RSU1: variants seen among roughly 807,000 people sequenced by gnomAD.
RSU1 encodes Ras suppressor protein 1.
In RSU1, 26 loss-of-function variants were observed where a neutral mutation model predicts 31.1. That is an observed-to-expected ratio of 0.84 (90% CI 0.61 to 1.16). The LOEUF (loss-of-function observed/expected upper bound fraction) is 1.16. Among genes scored for constraint, RSU1 ranks in the 50% most tolerant of loss-of-function variants. RSU1 has a pLI of 0.00. For synonymous variants in RSU1, 164 were observed against 136.3 expected, an observed-to-expected ratio of 1.20 and a Z score of -1.41; for missense variants, 320 against 339.1, an observed-to-expected ratio of 0.94 and a Z score of 0.44.
chr10:16,761,736 G>C (rs550894387), intron 4 of RSU1, among the ~76,000 whole-genome samples: 1 of 152,078 alleles, frequency 6.6e-6, no homozygotes, highest in East Asian at 1.9e-4. Flanking sequence ...GGCGCCTGTA[G>C]TCCCAGCTAC....
At chr10:16,747,959 G>T (rs745463048) in intron 7 of RSU1, among the ~76,000 whole-genome samples, 1 of 152,198 alleles carries the variant, frequency 6.6e-6, no homozygotes, top group South Asian at 2.1e-4. Context: ...GCTTGAGCCT[G>T]GGAGACAGAA....
chr10:16,720,787 G>A (rs1836241055), intron 7 of RSU1, among the ~76,000 whole-genome samples: 2 of 152,128 alleles, frequency 1.3e-5, no homozygotes, highest in Non-Finnish European at 2.9e-5. Context: ...GGGCTGCCAT[G>A]ACAGCCTGGG....
chr10:16,733,333 T>TAAAAAAA (rs569239845), intron 7 of RSU1, among the ~76,000 whole-genome samples: 1 of 79,638 alleles, frequency 1.3e-5, no homozygotes, highest in African/African-American at 5.0e-5. Context: ...TCTACGACAA[T>TAAAAAAA]AAAAAAAAAA....
At chr10:16,594,902 A>G (rs1182492354) in intron 8 of RSU1, among the ~76,000 whole-genome samples, 1 of 150,112 alleles carries the variant, frequency 6.7e-6, no homozygotes, top group African/African-American at 2.5e-5. Flanking sequence ...CTCCTGCCTC[A>G]GCCTCCTGAG....
At chr10:16,607,568 G>A (rs1425697848) in intron 8 of RSU1, among the ~76,000 whole-genome samples, 1 of 152,130 alleles carries the variant, frequency 6.6e-6, no homozygotes, top group African/African-American at 2.4e-5. Context: ...TATCTGGCCT[G>A]AGCACTGCTA....
intron 8 of RSU1, among the ~76,000 whole-genome samples, chr10:16,654,567 G>A (rs1834741074): frequency 6.6e-6 from 1 of 151,600 alleles, no homozygotes; most frequent in Non-Finnish European, 1.5e-5. Flanking sequence ...CTACTTGGGA[G>A]GCTGAGGCAC....
chr10:16,613,943 T>C (rs891750529), intron 8 of RSU1, among the ~76,000 whole-genome samples: 2 of 152,178 alleles, frequency 1.3e-5, no homozygotes, highest in African/African-American at 2.4e-5. Context: ...GCTATATTCC[T>C]TGGGAATTGG....
Position 16,654,508 on chromosome 10 carries a change from A to G in RSU1, c.731+40515T>C, listed in dbSNP as rs567790644. The stretch of plus-strand genomic sequence containing the variant: ...AACATGGTGAAACCCTGTCTTTACT[A>G]AAAATACAAAAATTGGCTGGGCATG... On this transcript the variant is annotated intron_variant, in intron 8 of 8. Coordinates refer to ENST00000345264, the MANE Select transcript of RSU1 (RefSeq NM_012425.4). 5.9e-5 allele frequency among the ~76,000 whole-genome samples: 9 copies of G among 151,302 alleles called. No individual in the cohort carries two copies. In the East Asian group the frequency reaches 1.8e-3, roughly 30 times the overall value.
At chr10:16,651,298 AT>A (rs1277444417) in intron 8 of RSU1, among the ~76,000 whole-genome samples, 1 of 152,196 alleles carries the variant, frequency 6.6e-6, no homozygotes, top group Non-Finnish European at 1.5e-5. Flanking sequence ...GATGAAACTT[AT>A]TCATTTATTT....
chr10:16,713,562 T>C (rs1284541513), intron 7 of RSU1, among the ~76,000 whole-genome samples: 1 of 152,226 alleles, frequency 6.6e-6, no homozygotes, highest in African/African-American at 2.4e-5. Context: ...CACTTATCTT[T>C]GTTGCATTTC....
chr10:16,775,643 C>T (rs1270628375), intron 3 of RSU1, among the ~76,000 whole-genome samples: 4 of 152,124 alleles, frequency 2.6e-5, no homozygotes, highest in African/African-American at 9.7e-5. Context: ...AACAGACCCT[C>T]CCATAGCATG....
intron 8 of RSU1, among the ~76,000 whole-genome samples, chr10:16,646,204 C>T (rs1008923958): frequency 6.6e-6 from 1 of 151,598 alleles, no homozygotes; most frequent in Non-Finnish European, 1.5e-5. Context: ...TTTGTGATAT[C>T]CCACCCCTTC....
At chr10:16,716,728 A>T (rs1249394650) in intron 7 of RSU1, among the ~76,000 whole-genome samples, 1 of 152,176 alleles carries the variant, frequency 6.6e-6, no homozygotes, top group African/African-American at 2.4e-5. Flanking sequence ...AGATGCCTGT[A>T]CAACTAAAGA....
intron 8 of RSU1, among the ~76,000 whole-genome samples, chr10:16,644,620 C>T (rs1834503109): frequency 6.6e-6 from 1 of 152,270 alleles, no homozygotes; most frequent in South Asian, 2.1e-4. Context: ...CTGGGTCTCC[C>T]AGACCTGTGG....
intron 8 of RSU1, among the ~76,000 whole-genome samples, chr10:16,597,882 C>T (rs1588666460): frequency 6.6e-6 from 1 of 152,226 alleles, no homozygotes; most frequent in Non-Finnish European, 1.5e-5. Context: ...GCCGCACGAT[C>T]CTTTAACTCC....
intron 7 of RSU1, among the ~76,000 whole-genome samples, chr10:16,747,098 T>A (rs1836871924): frequency 6.6e-6 from 1 of 152,128 alleles, no homozygotes; most frequent in African/African-American, 2.4e-5. Flanking sequence ...ATCTGTGGTG[T>A]CAACCGAGGT....
intron 8 of RSU1, among the ~76,000 whole-genome samples, chr10:16,646,949 A>G (rs1365832832): frequency 2.0e-5 from 3 of 151,830 alleles, no homozygotes; most frequent in East Asian, 3.9e-4. Flanking sequence ...AGATGGTAAC[A>G]TGTGTTGGCC....
intron 2 of RSU1, among the ~76,000 whole-genome samples, chr10:16,810,395 A>G (rs1252731186): frequency 1.3e-5 from 2 of 152,212 alleles, no homozygotes; most frequent in Admixed American, 1.3e-4. Context: ...TTTTCAAAGC[A>G]TGTCTGCCAT....
chr10:16,694,244 C>G (rs1438096108), intron 8 of RSU1, among the ~76,000 whole-genome samples: 1 of 152,094 alleles, frequency 6.6e-6, no homozygotes, highest in African/African-American at 2.4e-5. Context: ...TGGCAGATTC[C>G]GCTTCCTCTC....
Sources: gnomAD v4.1 joint callset for allele counts (sites outside exome capture counted in the v4.1 genomes callset) on GRCh38, gnomAD v4.1.1 for gene constraint, MANE v1.5 for transcripts, NCBI Gene and HGNC (gene_info 2026-07-23, HGNC 2026-07-21) for gene names.